The following FAS variants were observed in gnomAD, a reference collection of about 807,000 sequenced individuals.
The protein encoded by FAS is tumor necrosis factor receptor superfamily member 6.
FAS carries 5 observed loss-of-function variants against 33.2 expected under a neutral mutation model. That is an observed-to-expected ratio of 0.15 (90% CI 0.08 to 0.32). The LOEUF is 0.32. Ranked by LOEUF, FAS falls within the 10% of genes least tolerant of loss-of-function variation. The pLI is 1.00. For synonymous variants in FAS, 131 were observed against 130.7 expected (o/e 1.00, Z -0.01); for missense variants, 339 against 386.0 (o/e 0.88, Z 1.02).
chr10:88,976,799 G>A (rs1300938703), intron 2 of FAS, among the ~76,000 whole-genome samples: 2 of 152,162 alleles, frequency 1.3e-5, no homozygotes, highest in African/African-American at 4.8e-5. Context: ...AAATGTAAAG[G>A]TCCAGGTGCT....
rs1276084112 is a variant in FAS at position 89,014,949 on chromosome 10, G to A, written c.*499G>A. The A allele has an allele frequency of 1.3e-5, 7 of 534,548 alleles. No individual in the cohort carries two copies. The highest frequency in any genetic ancestry group is 4.4e-5 in the Admixed American group (2 of 45,040). 33.1% of individuals were successfully genotyped at this position (534,548 alleles called of 1,614,324 possible). On this transcript the variant is annotated 3_prime_UTR_variant, in exon 9 of 9. Transcript: ENST00000652046. ...TTCTAAACTTTGTTTATAACTCTGAGAAGATCATATTTATGTAAAGTATAT... is the reference window on the plus strand; with the variant it reads ...TTCTAAACTTTGTTTATAACTCTGAAAAGATCATATTTATGTAAAGTATAT...
rs902919120 is a variant in FAS at position 89,017,013 on chromosome 10, T to C, written c.*2563T>C. ...GTTTAGAATTCTATACAAGGCCATT[T>C]GTAATTTTCCTCAGCACTTTAAAAA... is the stretch of plus-strand genomic sequence containing the variant. On this transcript the variant is annotated 3_prime_UTR_variant, in exon 9 of 9. Transcript: ENST00000652046. The C allele has an allele frequency of 1.1e-5, 2 of 180,724 alleles. No individual in the cohort carries two copies. The highest frequency in any genetic ancestry group is 2.4e-5 in the Non-Finnish European group (2 of 84,506). The allele number at this position is 180,724 out of a possible 1,614,324, so 11.2% of individuals were successfully genotyped here. A position where few individuals can be genotyped will look rare whatever the true frequency, so the allele number is the denominator to read the frequency against.
Position 89,015,831 on chromosome 10 carries a change from T to C in FAS, c.*1381T>C, listed in dbSNP as rs1247813333. ...GGTAGGGGCTTGCTTTTTGGTTTTG[T>C]CTTCCTTTTCTCTAACTGATGCTAA... On this transcript the variant is annotated 3_prime_UTR_variant, in exon 9 of 9. Coordinates refer to ENST00000652046, the MANE Select transcript of FAS (RefSeq NM_000043.6). The C allele has an allele frequency of 6.9e-6, 3 of 434,434 alleles. No individual in the cohort carries two copies. Among genetic ancestry groups the C allele is most frequent in the East Asian group, 8.4e-5 (2 of 23,806 alleles). 26.9% of individuals were successfully genotyped at this position (434,434 alleles called of 1,614,324 possible). A position where few individuals can be genotyped will look rare whatever the true frequency, so the allele number is the denominator to read the frequency against.
At chr10:89,003,295 A>C in intron 2 of FAS, 101 bp downstream of exon 2, 2 of 1,302,948 alleles carry the variant, frequency 1.5e-6, no homozygotes, top group Non-Finnish European at 2.2e-6. Context: ...TGGTTCCCCT[A>C]TATTATATAA....
At chr10:88,967,664 C>T (rs1846343489) in intron 1 of FAS, among the ~76,000 whole-genome samples, 1 of 152,066 alleles carries the variant, frequency 6.6e-6, no homozygotes, top group Non-Finnish European at 1.5e-5. Context: ...AGAAGATGAA[C>T]ATATAAAATA....
chr10:88,991,129 T>G, intron 1 of FAS: 1 of 623,370 alleles, frequency 1.6e-6, no homozygotes, highest in Non-Finnish European at 2.8e-6. Context: ...TTGCTTTTCT[T>G]GGGCCTTGAT....
Position 89,014,357 on chromosome 10 carries a change from T to G in FAS, c.915T>G (p.Thr305=). Residue 305 remains threonine, a synonymous_variant, in exon 9 of 9, where the codon ACT becomes ACG. Coordinates refer to ENST00000652046, the MANE Select transcript of FAS (RefSeq NM_000043.6). The part of the protein sequence containing the change: ...IKDLKKANLC[T]LAEKIQTIIL... ...ATCTCAAAAAAGCCAATCTTTGTAC[T>G]CTTGCAGAGAAAATTCAGACTATCA... is the stretch of plus-strand genomic sequence containing the variant. 6.2e-7 allele frequency: 1 copy of G among 1,613,866 alleles called. No homozygotes were observed. The highest frequency in any genetic ancestry group is 1.7e-5 in the Admixed American group (1 of 60,020).
rs200778245 is a variant in FAS at position 89,014,176 on chromosome 10, T to C, written c.734T>C (p.Val245Ala). ...TIAGVMTLSQ[V>A]KGFVRKNGVN... Reference sequence around the variant, plus strand: ...GCTGGAGTCATGACACTAAGTCAAGTTAAAGGCTTTGTTCGAAAGAATGGT... The same window carrying C: ...GCTGGAGTCATGACACTAAGTCAAGCTAAAGGCTTTGTTCGAAAGAATGGT... Residue 245 changes from valine to alanine, a missense_variant, in exon 9 of 9, where the codon GTT becomes GCT. Transcript: ENST00000652046. 6.2e-7 allele frequency: 1 copy of C among 1,613,912 alleles called. No individual in the cohort carries two copies. The highest frequency in any genetic ancestry group is 1.1e-5 in the South Asian group (1 of 91,078).
At position 89,015,703 on chromosome 10, in the gene FAS, C is replaced by A; in HGVS notation, c.*1253C>A. The stretch of plus-strand genomic sequence containing the variant: ...TACCTGGAACCACCTAAAGAACTTC[C>A]ATTTATGGAGGATTTTTTTGCCCCT... On this transcript the variant is annotated 3_prime_UTR_variant, in exon 9 of 9. Coordinates refer to ENST00000652046, the MANE Select transcript of FAS (RefSeq NM_000043.6). 2.0e-6 allele frequency: 1 copy of A among 496,194 alleles called. No homozygotes were observed. The highest frequency in any genetic ancestry group is 3.9e-6 in the Non-Finnish European group (1 of 258,428). The allele number at this position is 496,194 out of a possible 1,614,324, so 30.7% of individuals were successfully genotyped here.
chr10:89,005,498 T>C (rs1292627927), intron 2 of FAS, among the ~76,000 whole-genome samples: 1 of 152,154 alleles, frequency 6.6e-6, no homozygotes, highest in Non-Finnish European at 1.5e-5. Flanking sequence ...ATTTCATATA[T>C]ACACATTGTA....
chr10:88,999,461 G>A (rs1010866510), intron 1 of FAS, among the ~76,000 whole-genome samples: 3 of 152,140 alleles, frequency 2.0e-5, no homozygotes, highest in Non-Finnish European at 4.4e-5. Flanking sequence ...AGCTCGTATG[G>A]AAGGGTAACT....
intron 1 of FAS, among the ~76,000 whole-genome samples, chr10:88,970,098 C>A (rs1321998462): frequency 6.6e-6 from 1 of 152,150 alleles, no homozygotes; most frequent in Non-Finnish European, 1.5e-5. Flanking sequence ...AATATTCAAG[C>A]AGTCCATAAA....
At chr10:88,980,548 G>A (rs1846685571) in intron 2 of FAS, among the ~76,000 whole-genome samples, 1 of 145,784 alleles carries the variant, frequency 6.9e-6, no homozygotes, top group Admixed American at 6.6e-5. Flanking sequence ...GGAAGGCAAG[G>A]AATGTTCTTA....
intron 1 of FAS, among the ~76,000 whole-genome samples, chr10:88,996,308 C>T (rs6586166): frequency 0.57 from 86,960 of 151,634 alleles, 26,282 homozygotes; most frequent in African/African-American, 0.78. Flanking sequence ...TGTAAGGTTT[C>T]AGGCTTGATT....
chr10:89,004,426 A>G (rs1848106273), intron 2 of FAS, among the ~76,000 whole-genome samples: 1 of 152,262 alleles, frequency 6.6e-6, no homozygotes, highest in South Asian at 2.1e-4. Context: ...CAGGTTAGTT[A>G]CATATGTATA....
chr10:89,004,477 C>T (rs1464163420), intron 2 of FAS, among the ~76,000 whole-genome samples: 3 of 151,824 alleles, frequency 2.0e-5, no homozygotes, highest in Non-Finnish European at 4.4e-5. Context: ...AACTCGTCAT[C>T]TAGCATTAGG....
Position 88,990,832 on chromosome 10 carries a change from C to G in FAS, c.-45C>G. ...CGCGGGTTGGTGGACCCGCTCAGTACGGAGTTGGGGAAGCTCTTTCACTTC... is the reference window on the plus strand; with the variant it reads ...CGCGGGTTGGTGGACCCGCTCAGTAGGGAGTTGGGGAAGCTCTTTCACTTC... On this transcript the variant is annotated 5_prime_UTR_variant, in exon 1 of 9. Transcript: ENST00000652046. This position sits in a 1 kb window ranked among gnomAD's most constrained non-coding sequence, Gnocchi z 4.9. 6.2e-7 allele frequency: 1 copy of G among 1,613,948 alleles called. No homozygotes were observed. Among genetic ancestry groups the G allele is most frequent in the Non-Finnish European group, 8.5e-7 (1 of 1,179,806 alleles).
At chr10:89,003,008 C>CT in intron 1 of FAS, 21 bp from the exon 2 acceptor site, 2 of 1,613,778 alleles carry the variant, frequency 1.2e-6, no homozygotes, top group Non-Finnish European at 1.7e-6. Flanking sequence ...ATAAAATTCT[C>CT]TTCATGCTTT....
chr10:88,988,995 G>T (rs1223536086), upstream of FAS, among the ~76,000 whole-genome samples: 9 of 152,156 alleles, frequency 5.9e-5, no homozygotes, highest in African/African-American at 1.4e-4. Flanking sequence ...GTAGGGGAAG[G>T]GGGTATGGCA....
Sources: allele counts gnomAD v4.1 joint callset (sites outside exome capture counted in the v4.1 genomes callset), GRCh38; gene constraint gnomAD v4.1.1; non-coding constraint Gnocchi (gnomAD v3.1); transcripts MANE v1.5; gene names NCBI Gene and HGNC (gene_info 2026-07-23, HGNC 2026-07-21).